The following DOP1A variants were observed in gnomAD, a reference collection of about 807,000 sequenced individuals.
The protein encoded by DOP1A is DOP1 leucine zipper like protein A.
DOP1A carries 90 observed loss-of-function variants against 267.6 expected under a neutral mutation model. The ratio of observed to expected loss-of-function variants is 0.34; its 90% confidence interval spans 0.28 to 0.40. DOP1A has a LOEUF of 0.40. Ranked by LOEUF, DOP1A falls within the 10% of genes least tolerant of loss-of-function variation. The probability of loss-of-function intolerance (pLI) is 1.00; values close to 1 mark genes in which losing one functional copy is unlikely to be tolerated. For synonymous variants in DOP1A, 932 were observed against 999.1 expected, an observed-to-expected ratio of 0.93 and a Z score of 1.27; for missense variants, 2,437 against 2,900.4, an observed-to-expected ratio of 0.84 and a Z score of 3.67.
At position 83,168,039 on chromosome 6, in the gene DOP1A, C is replaced by T; in HGVS notation, c.7270C>T (p.Leu2424Phe). Reference sequence around the variant, plus strand: ...TGGAGGACACTCAGGGAGTCCTATCCTCTACTCAAATGCCTTCCCTAATAA... The same window carrying T: ...TGGAGGACACTCAGGGAGTCCTATCTTCTACTCAAATGCCTTCCCTAATAA... ...RCGGHSGSPI[L>F]YSNAFPNKDM... Residue 2424 changes from leucine to phenylalanine, a missense_variant, in exon 39 of 39, where the codon CTC becomes TTC. Leu to Phe is a conservative substitution (Grantham distance 22, BLOSUM62 0). This residue lies in a region of DOP1A where 197 missense variants were observed against 246.5 expected (regional missense o/e 0.80). Transcript: ENST00000349129. 1.2e-6 allele frequency: 2 copies of T among 1,614,158 alleles called. No homozygotes were observed. The highest frequency in any genetic ancestry group is 8.5e-7 in the Non-Finnish European group (1 of 1,180,030).
At chr6:83,094,796 G>T (rs1448596298) in intron 1 of DOP1A, among the ~76,000 whole-genome samples, 1 of 152,006 alleles carries the variant, frequency 6.6e-6, no homozygotes, top group Non-Finnish European at 1.5e-5. Flanking sequence ...ATATATGGAG[G>T]ATATATTTTC....
chr6:83,114,139 AC>A (rs1462574872), intron 7 of DOP1A, among the ~76,000 whole-genome samples: 4 of 151,832 alleles, frequency 2.6e-5, no homozygotes, highest in African/African-American at 9.7e-5. Flanking sequence ...TTAATAGATA[AC>A]TGTAGTGAAT....
intron 1 of DOP1A, among the ~76,000 whole-genome samples, chr6:83,095,999 G>C (rs1473660648): frequency 2.0e-5 from 3 of 152,172 alleles, no homozygotes; most frequent in Non-Finnish European, 4.4e-5. Context: ...GTTACACATT[G>C]TCTCTTCTAC....
intron 1 of DOP1A, among the ~76,000 whole-genome samples, chr6:83,090,901 A>G (rs970764028): frequency 2.6e-5 from 4 of 152,162 alleles, no homozygotes; most frequent in African/African-American, 9.7e-5. Flanking sequence ...TTGTGGAATT[A>G]CAACTAAATT....
At chr6:83,091,488 A>G (rs1263189948) in intron 1 of DOP1A, among the ~76,000 whole-genome samples, 1 of 151,992 alleles carries the variant, frequency 6.6e-6, no homozygotes, top group Non-Finnish European at 1.5e-5. Flanking sequence ...TTTATTGCCT[A>G]AAAAAAAGTA....
chr6:83,149,020 A>G (rs866275378), intron 27 of DOP1A, among the ~76,000 whole-genome samples, 157 bp downstream of exon 27: 3 of 148,004 alleles, frequency 2.0e-5, no homozygotes, highest in Middle Eastern at 3.2e-3. Context: ...CCTGTTTAAG[A>G]AAAAAAAAAG....
rs763115197 is a variant in DOP1A at position 83,129,522 on chromosome 6, A to G, written c.2341+14A>G. 1 of 1,492,046 alleles carries G rather than the reference A, an allele frequency of 6.7e-7. No individual in the cohort carries two copies. The highest frequency in any genetic ancestry group is 8.9e-7 in the Non-Finnish European group (1 of 1,126,998). 92.4% of individuals were successfully genotyped at this position (1,492,046 alleles called of 1,614,324 possible). A position where few individuals can be genotyped will look rare whatever the true frequency, so the allele number is the denominator to read the frequency against. ...AATTGGAGACTGGTAAGGTCATCTC[A>G]GTTTTGCTTATATTTCAGTATTGTC... On this transcript the variant is annotated intron_variant, in intron 16 of 38. Transcript: ENST00000349129.
At chr6:83,069,182 T>C (rs1379868270) in intron 1 of DOP1A, among the ~76,000 whole-genome samples, 1 of 152,192 alleles carries the variant, frequency 6.6e-6, no homozygotes, top group Non-Finnish European at 1.5e-5. Context: ...GTTTTGTCAT[T>C]GTTTAAGGAA....
intron 36 of DOP1A, 141 bp from the exon 37 acceptor site, chr6:83,159,655 C>A: frequency 1.1e-6 from 1 of 908,272 alleles, no homozygotes; most frequent in Non-Finnish European, 1.7e-6. Context: ...AGTGACATTT[C>A]ATCATGACCT....
rs988222435 is a variant in DOP1A at position 83,152,184 on chromosome 6, CAT to C, written c.6050-94_6050-93del. ...TGGGAAAAATATATATATACATATACATATATATATACATATATAAAAATAAT... is the reference window on the plus strand; with the variant it reads ...TGGGAAAAATATATATATACATATACATATATATACATATATAAAAATAAT... On this transcript the variant is annotated intron_variant, in intron 29 of 38. Transcript: ENST00000349129. 1.3e-4 allele frequency: 92 copies of C among 727,122 alleles called. 1 individual carries two copies. Among genetic ancestry groups the C allele is most frequent in the African/African-American group, 8.3e-4 (44 of 53,024 alleles). 45.0% of individuals were successfully genotyped at this position (727,122 alleles called of 1,614,324 possible).
At chr6:83,071,107 T>C (rs1785509560) in intron 1 of DOP1A, among the ~76,000 whole-genome samples, 1 of 152,228 alleles carries the variant, frequency 6.6e-6, no homozygotes, top group Admixed American at 6.5e-5. Flanking sequence ...TTGCCCTTTG[T>C]TTAAAAGTGA....
At chr6:83,099,398 A>ATGTTAG (rs1772114934) in intron 3 of DOP1A, among the ~76,000 whole-genome samples, 1 of 152,216 alleles carries the variant, frequency 6.6e-6, no homozygotes, top group Non-Finnish European at 1.5e-5. Flanking sequence ...ATCCACAAGA[A>ATGTTAG]ATTCCATCTA....
rs954395635 is a variant in DOP1A at position 83,080,219 on chromosome 6, A to T, written c.-147+12440A>T. 1.2e-4 allele frequency among the ~76,000 whole-genome samples: 18 copies of T among 152,202 alleles called. 1 individual carries two copies. The highest frequency in any genetic ancestry group is 9.8e-4 in the Admixed American group (15 of 15,280). Reference sequence around the variant, plus strand: ...TTAGGAAAAACAAAACATTAGAAAGATATGTTTGAAAAAAGCAGATATATC... The same window carrying T: ...TTAGGAAAAACAAAACATTAGAAAGTTATGTTTGAAAAAAGCAGATATATC... On this transcript the variant is annotated intron_variant, in intron 1 of 38. Coordinates refer to ENST00000349129, the MANE Select transcript of DOP1A (RefSeq NM_015018.4).
In DOP1A at chr6:83,130,395, A is replaced by C. The variant is rs754621418; in HGVS notation, c.2614A>C (p.Lys872Gln). 1.2e-6 allele frequency: 2 copies of C among 1,610,378 alleles called. No individual in the cohort carries two copies. Among genetic ancestry groups the C allele is most frequent in the South Asian group, 2.2e-5 (2 of 90,422 alleles). ...RYIAEKTEFF[K>Q]HVALTLWDQL... ...CATAGCTGAGAAGACTGAATTTTTC[A>C]AGGTAAATTCTAAGAAATGCATATA... is the stretch of plus-strand genomic sequence containing the variant. Residue 872 changes from lysine (K) to glutamine (Q), a missense_variant and splice_region_variant, in exon 17 of 39, where the codon AAG becomes CAG. Lys to Gln is a moderately conservative substitution (Grantham distance 53). Around this residue, in one of 9 missense-constraint regions of DOP1A, gnomAD observed 878 missense variants for 992.9 expected, o/e 0.88. Coordinates refer to ENST00000349129, the MANE Select transcript of DOP1A (RefSeq NM_015018.4).
intron 1 of DOP1A, among the ~76,000 whole-genome samples, chr6:83,096,084 GA>G (rs1407710490): frequency 2.0e-5 from 3 of 152,070 alleles, no homozygotes. Context: ...CTTTTTCAAA[GA>G]AATAACAAAG....
rs760568458 is a variant in DOP1A, at chr6:83,130,313, C to A, written c.2532C>A (p.Asn844Lys). The change falls in exon 17 of 39, where the codon AAC becomes AAA. Residue 844 changes from asparagine to lysine, a missense_variant. Asn to Lys is a moderately conservative substitution (Grantham distance 94). Around this residue, in one of 9 missense-constraint regions of DOP1A, gnomAD observed 878 missense variants for 992.9 expected, o/e 0.88. Coordinates refer to ENST00000349129, the MANE Select transcript of DOP1A (RefSeq NM_015018.4). ...SVEPAQPLSP[N>K]QGRVAVVIRP... The stretch of plus-strand genomic sequence containing the variant: ...AGCCTGCACAACCCTTAAGTCCAAA[C>A]CAGGGAAGAGTAGCTGTGGTTATTA... 6.2e-7 allele frequency: 1 copy of A among 1,613,910 alleles called. No individual in the cohort carries two copies. Among genetic ancestry groups the A allele is most frequent in the Non-Finnish European group, 8.5e-7 (1 of 1,179,956 alleles).
In DOP1A at chr6:83,162,933, T is replaced by C. The variant is rs775233882; in HGVS notation, c.7092+14T>C. ...AAAAGAGCAAAGGTATCGCATTCTT[T>C]TGTGATTGTTTTGTTTTACATCACT... On this transcript the variant is annotated intron_variant, in intron 38 of 38. Transcript: ENST00000349129. 6.2e-6 allele frequency: 10 copies of C among 1,606,576 alleles called. No homozygotes were observed. The East Asian group carries it at 2.0e-4, about 32-fold the overall frequency.
intron 16 of DOP1A, among the ~76,000 whole-genome samples, 191 bp downstream of exon 16, chr6:83,129,699 A>ATGTC (rs1777731019): frequency 6.6e-6 from 1 of 152,106 alleles, no homozygotes. Context: ...TGTGATTTTG[A>ATGTC]TGTCTTTCAC....
At chr6:83,145,468 C>A in intron 24 of DOP1A, 56 bp from the exon 25 acceptor site, 1 of 1,382,626 alleles carries the variant, frequency 7.2e-7, no homozygotes, top group Admixed American at 2.6e-5. Context: ...TCTTCTGTAA[C>A]TTCCCCTAAA....
Sources: allele counts gnomAD v4.1 joint callset (sites outside exome capture counted in the v4.1 genomes callset), GRCh38; gene constraint gnomAD v4.1.1; regional missense constraint gnomAD v4.1.1; transcripts MANE v1.5; gene names NCBI Gene and HGNC (gene_info 2026-07-23, HGNC 2026-07-21).